The following CNIH3 variants were observed in gnomAD, a reference collection of about 807,000 sequenced individuals.
The protein encoded by CNIH3 is cornichon family AMPA receptor auxiliary protein 3.
A neutral mutation model predicts 24.1 loss-of-function variants in CNIH3; 14 were observed. That is an observed-to-expected ratio of 0.58 (90% CI 0.38 to 0.91). The LOEUF is 0.91. Among genes scored for constraint, CNIH3 ranks in the 40% least tolerant of loss-of-function variants. CNIH3 has a pLI of 0.00. For synonymous variants in CNIH3, 68 were observed against 73.8 expected (o/e 0.92, Z 0.40); for missense variants, 178 against 196.8 (o/e 0.90, Z 0.57).
chr1:224,661,233 C>G (rs998898879), intron 1 of CNIH3: 29 of 297,688 alleles, frequency 9.7e-5, no homozygotes, highest in Non-Finnish European at 1.8e-4. Flanking sequence ...TTAACTGGCC[C>G]TCTTCTTCAA....
At chr1:224,644,224 G>A (rs1684492330) in intron 1 of CNIH3, among the ~76,000 whole-genome samples, 1 of 152,104 alleles carries the variant, frequency 6.6e-6, no homozygotes, top group South Asian at 2.1e-4. Context: ...TTTTGTTTTT[G>A]TTTTGAGACA....
At chr1:224,538,348 G>C (rs1200183383), downstream of CNIH3, among the ~76,000 whole-genome samples, 1 of 152,108 alleles carries the variant, frequency 6.6e-6, no homozygotes, top group Non-Finnish European at 1.5e-5. Context: ...TCAGGAATGT[G>C]GTAGTTTTTG....
intron 1 of CNIH3, among the ~76,000 whole-genome samples, chr1:224,495,905 C>T (rs1166708762): frequency 1.3e-5 from 2 of 152,138 alleles, no homozygotes; most frequent in Admixed American, 1.3e-4. Flanking sequence ...CCTGTGAACA[C>T]AGTGAGACCC....
Position 224,689,058 on chromosome 1 carries a change from C to A in CNIH3, c.198+4215C>A, listed in dbSNP as rs182792031. On this transcript the variant is annotated intron_variant, in intron 3 of 5. Coordinates refer to ENST00000272133, the MANE Select transcript of CNIH3 (RefSeq NM_152495.2). ...CTTCCATAATGCTTATACCCTCTGC[C>A]CCCTTGTAGTCTGTATTTCAACCAT... Among the ~76,000 whole-genome samples, 150 of 152,226 alleles carry A rather than the reference C, an allele frequency of 9.9e-4. 1 individual carries two copies. In the Middle Eastern group the frequency reaches 0.024, roughly 24 times the overall value.
intron 3 of CNIH3, among the ~76,000 whole-genome samples, chr1:224,551,624 G>T (rs957184870): frequency 6.6e-6 from 1 of 152,026 alleles, no homozygotes; most frequent in Admixed American, 6.6e-5. Flanking sequence ...GTAAACACTA[G>T]ATATTATAGA....
At chr1:224,667,145 G>GT (rs1685634749) in intron 1 of CNIH3, among the ~76,000 whole-genome samples, 1 of 152,212 alleles carries the variant, frequency 6.6e-6, no homozygotes, top group African/African-American at 2.4e-5. Context: ...TGACTCGTGA[G>GT]TTGACCTGGC....
rs1315914816 is a variant in CNIH3, at chr1:224,604,941, C to T, written n.402+38677C>T. On this transcript the variant is annotated intron_variant and non_coding_transcript_variant, in intron 3 of 7. Transcript: ENST00000478120. The surrounding 1 kb of genome is among the most constrained non-coding windows in gnomAD (Gnocchi z 4.4). ...GAGGAGAGGGGACATGGGGTTGGTC[C>T]TGCTACCTGAAAGCAGGAAAGTTCC... Among the ~76,000 whole-genome samples, 1 of 152,166 alleles carries T rather than the reference C, an allele frequency of 6.6e-6. No individual in the cohort carries two copies. The highest frequency in any genetic ancestry group is 2.4e-5 in the African/African-American group (1 of 41,442).
intron 1 of CNIH3, among the ~76,000 whole-genome samples, chr1:224,645,378 C>T (rs919371584): frequency 7.9e-5 from 12 of 152,220 alleles, no homozygotes; most frequent in Admixed American, 1.3e-4. Flanking sequence ...CAGAGAAGCG[C>T]GAGAGAGACC....
intron 1 of CNIH3, among the ~76,000 whole-genome samples, chr1:224,465,865 TA>T (rs1447022494): frequency 6.6e-6 from 1 of 151,866 alleles, no homozygotes; most frequent in Non-Finnish European, 1.5e-5. Flanking sequence ...CCATCTCCAC[TA>T]AAAATACAAA....
intron 1 of CNIH3, among the ~76,000 whole-genome samples, chr1:224,495,176 T>G (rs1677385605): frequency 1.3e-5 from 2 of 152,178 alleles, no homozygotes; most frequent in Admixed American, 1.3e-4. Flanking sequence ...ATTTTTTGGC[T>G]GTTCAATGAG....
At chr1:224,488,908 C>T (rs1677136760) in intron 1 of CNIH3, among the ~76,000 whole-genome samples, 1 of 152,128 alleles carries the variant, frequency 6.6e-6, no homozygotes, top group African/African-American at 2.4e-5. Context: ...GCGCATTTTC[C>T]TTTAAGTCCT....
rs1680963378 is a variant in CNIH3, at chr1:224,574,740, G to C, written n.517-8424G>C. 1.5e-5 allele frequency: 18 copies of C among 1,196,190 alleles called. 1 individual carries two copies. The South Asian group carries it at 1.9e-4, about 13-fold the overall frequency. The allele number at this position is 1,196,190 out of a possible 1,614,324, so 74.1% of individuals were successfully genotyped here. ...GAAGATGCTCATTGACCTGAAGCTG[G>C]ACTACCTGGACCTCTACCTTATTCG... is the stretch of plus-strand genomic sequence containing the variant. On this transcript the variant is annotated intron_variant and non_coding_transcript_variant, in intron 4 of 5. Coordinates refer to the CNIH3 transcript ENST00000471578.
intron 1 of CNIH3, among the ~76,000 whole-genome samples, chr1:224,502,687 T>C (rs1174617187): frequency 6.7e-6 from 1 of 149,122 alleles, no homozygotes; most frequent in Non-Finnish European, 1.5e-5. Flanking sequence ...CCCTGCCGAG[T>C]TCTACATAAA....
At position 224,559,306 on chromosome 1, in the gene CNIH3, C is replaced by T. The variant is rs868576515; in HGVS notation, n.451-6893C>T. Among the ~76,000 whole-genome samples, 8 of 152,090 alleles carry T rather than the reference C, an allele frequency of 5.3e-5. No homozygotes were observed. The East Asian group carries it at 5.8e-4, about 11-fold the overall frequency. On this transcript the variant is annotated intron_variant and non_coding_transcript_variant, in intron 3 of 5. Transcript: ENST00000471578. Reference sequence around the variant, plus strand: ...TAAAAAAATGATAAACATGGTTTATCGTGTGATGAAACTAACTCATTTGTG... The same window carrying T: ...TAAAAAAATGATAAACATGGTTTATTGTGTGATGAAACTAACTCATTTGTG...
intron 3 of CNIH3, among the ~76,000 whole-genome samples, chr1:224,691,265 G>A (rs1686917383): frequency 6.6e-6 from 1 of 152,186 alleles, no homozygotes; most frequent in African/African-American, 2.4e-5. Context: ...TTGTGCAGCT[G>A]CACAGGTCAC....
In CNIH3 at chr1:224,624,290, T is replaced by C. The variant is rs192873046; in HGVS notation, c.81+7035T>C. ...TCTTTGCAACTGCTTTCAAATGTTGTTTTTCTGGGGCCCTGTTTCTCCTCC... is the reference window on the plus strand; with the variant it reads ...TCTTTGCAACTGCTTTCAAATGTTGCTTTTCTGGGGCCCTGTTTCTCCTCC... On this transcript the variant is annotated intron_variant, in intron 1 of 5. Transcript: ENST00000272133. Among the ~76,000 whole-genome samples the C allele has an allele frequency of 9.8e-5, 15 of 152,294 alleles. No homozygotes were observed. The East Asian group carries it at 2.7e-3, about 27-fold the overall frequency.
At chr1:224,656,230 G>C (rs1306104714) in intron 1 of CNIH3, among the ~76,000 whole-genome samples, 1 of 152,194 alleles carries the variant, frequency 6.6e-6, no homozygotes, top group Non-Finnish European at 1.5e-5. Flanking sequence ...AATACTCAAA[G>C]TACCTGGTTT....
intron 3 of CNIH3, chr1:224,730,215 A>G (rs1399927829): frequency 9.7e-6 from 4 of 411,928 alleles, no homozygotes; most frequent in Non-Finnish European, 1.8e-5. Flanking sequence ...GTATTCTGTT[A>G]ATAGTAAGCA....
intron 3 of CNIH3, among the ~76,000 whole-genome samples, chr1:224,715,147 G>A (rs1476273553): frequency 3.9e-5 from 6 of 152,118 alleles, no homozygotes; most frequent in African/African-American, 1.4e-4. Flanking sequence ...GTGACTCAGC[G>A]TCACCAAATC....
Sources: allele counts gnomAD v4.1 joint callset (sites outside exome capture counted in the v4.1 genomes callset), GRCh38; gene constraint gnomAD v4.1.1; non-coding constraint Gnocchi (gnomAD v3.1); transcripts MANE v1.5; gene names NCBI Gene and HGNC (gene_info 2026-07-23, HGNC 2026-07-21).